The following MYOM1 variants were observed in gnomAD, a reference collection of about 807,000 sequenced individuals.
MYOM1 encodes myomesin-1.
MYOM1 carries 164 observed loss-of-function variants against 205.3 expected under a neutral mutation model. The ratio of observed to expected loss-of-function variants is 0.80; its 90% CI spans 0.70 to 0.91. MYOM1 has a LOEUF of 0.91. Among genes scored for constraint, MYOM1 ranks in the 40% least tolerant of loss-of-function variants. MYOM1 has a pLI of 0.00. For synonymous variants in MYOM1, 772 were observed against 789.4 expected, an observed-to-expected ratio of 0.98 and a Z score of 0.37; for missense variants, 2,011 against 2,127.3, an observed-to-expected ratio of 0.95 and a Z score of 1.08.
At chr18:3,159,665 A>G (rs201040213) in intron 10 of MYOM1, among the ~76,000 whole-genome samples, 2 of 152,356 alleles carry the variant, frequency 1.3e-5, no homozygotes, top group East Asian at 3.9e-4. Flanking sequence ...AATAAGAAAA[A>G]GGAACAATAT....
At chr18:3,125,567 A>G (rs2143858703) in intron 19 of MYOM1, among the ~76,000 whole-genome samples, 1 of 151,892 alleles carries the variant, frequency 6.6e-6, no homozygotes, top group Middle Eastern at 3.4e-3. Context: ...CATCTCAAAA[A>G]AAAAAAAAAA....
chr18:3,191,724 C>G (rs2080908729), intron 3 of MYOM1, among the ~76,000 whole-genome samples: 1 of 149,390 alleles, frequency 6.7e-6, no homozygotes, highest in Non-Finnish European at 1.5e-5. Context: ...GAGATGGGGT[C>G]TCACTCTGTG....
At chr18:3,237,815 T>A in the MYOM1 span, among the ~76,000 whole-genome samples, 1 of 152,064 alleles carries the variant, frequency 6.6e-6, no homozygotes, top group Admixed American at 6.6e-5. Flanking sequence ...AGTTATTGTT[T>A]AATGGTCATA....
At chr18:3,112,148 C>T (rs2143800157) in intron 22 of MYOM1, 150 bp downstream of exon 22, 1 of 620,816 alleles carries the variant, frequency 1.6e-6, no homozygotes, top group East Asian at 3.1e-5. Context: ...GGACCAATGA[C>T]TGTCATGTTC....
At chr18:3,174,678 TG>T (rs1408359145) in intron 6 of MYOM1, among the ~76,000 whole-genome samples, 1 of 152,158 alleles carries the variant, frequency 6.6e-6, no homozygotes, top group Non-Finnish European at 1.5e-5. Flanking sequence ...GGTTTCAGTC[TG>T]GGGGCAACCA....
Position 3,109,399 on chromosome 18 carries a change from G to T in MYOM1, c.3418+2899C>A, listed in dbSNP as rs145587980. Among the ~76,000 whole-genome samples, 3 of 152,318 alleles carry T rather than the reference G, an allele frequency of 2.0e-5. No individual in the cohort carries two copies. In the East Asian group the frequency reaches 5.8e-4, roughly 29 times the overall value. ...CTAAAGAGGCATATTCTCTCAAGTT[G>T]ATTGAGGGATGTGGTTCTGATAATT... On this transcript the variant is annotated intron_variant, in intron 22 of 37. Transcript: ENST00000356443.
chr18:3,109,647 G>A (rs764547296), intron 22 of MYOM1, among the ~76,000 whole-genome samples: 1 of 152,206 alleles, frequency 6.6e-6, no homozygotes, highest in African/African-American at 2.4e-5. Context: ...GAACATGAGA[G>A]AGTTGTTGTC....
the MYOM1 span, among the ~76,000 whole-genome samples, chr18:3,240,359 G>A: frequency 1.8e-3 from 277 of 152,284 alleles, 6 homozygotes; most frequent in East Asian, 0.042. Context: ...GGAGGGATCC[G>A]GTGGGAGGTA....
intron 23 of MYOM1, among the ~76,000 whole-genome samples, chr18:3,100,835 T>TTA (rs1014055544): frequency 4.6e-5 from 7 of 152,208 alleles, no homozygotes; most frequent in African/African-American, 1.4e-4. Context: ...TCTGAACTTA[T>TTA]TATAAGCATC....
At chr18:3,069,110 G>A (rs898365340) in intron 37 of MYOM1, among the ~76,000 whole-genome samples, 7 of 151,912 alleles carry the variant, frequency 4.6e-5, no homozygotes, top group Non-Finnish European at 7.4e-5. Context: ...ATTGCCAAAC[G>A]GTTTTTCTGA....
At chr18:3,103,668 G>T (rs922166099) in intron 22 of MYOM1, among the ~76,000 whole-genome samples, 3 of 152,032 alleles carry the variant, frequency 2.0e-5, no homozygotes, top group Admixed American at 6.6e-5. Context: ...CCTTCCAAAA[G>T]AATTGAATAT....
chr18:3,137,061 C>T (rs1222050763), intron 14 of MYOM1, among the ~76,000 whole-genome samples: 2 of 152,004 alleles, frequency 1.3e-5, no homozygotes, highest in Admixed American at 6.6e-5. Context: ...CGCCATTCTC[C>T]TGCCTCAGCC....
intron 22 of MYOM1, among the ~76,000 whole-genome samples, chr18:3,103,406 A>G (rs1415569193): frequency 6.6e-6 from 1 of 152,148 alleles, no homozygotes; most frequent in Non-Finnish European, 1.5e-5. Context: ...GAGTTATTCT[A>G]TTTTTGAGAG....
upstream of MYOM1, among the ~76,000 whole-genome samples, chr18:3,221,510 G>T: frequency 6.6e-6 from 1 of 152,200 alleles, no homozygotes; most frequent in East Asian, 1.9e-4. Context: ...GGAAAGCAAA[G>T]CTTCCAGAAG....
At chr18:3,126,543 C>A (rs1054832154) in intron 19 of MYOM1, among the ~76,000 whole-genome samples, 158 bp downstream of exon 19, 15 of 152,056 alleles carry the variant, frequency 9.9e-5, no homozygotes, top group Non-Finnish European at 4.4e-5. Flanking sequence ...CTTGTATTCA[C>A]CACAGTATAT....
intron 26 of MYOM1, among the ~76,000 whole-genome samples, chr18:3,092,956 T>C (rs2079246836): frequency 6.6e-6 from 1 of 152,156 alleles, no homozygotes; most frequent in Non-Finnish European, 1.5e-5. Flanking sequence ...TCAATGGCTG[T>C]GGGGTGATGA....
intron 2 of MYOM1, among the ~76,000 whole-genome samples, chr18:3,203,108 AAC>A (rs2081087041): frequency 6.6e-6 from 1 of 151,710 alleles, no homozygotes; most frequent in Non-Finnish European, 1.5e-5. Flanking sequence ...TAAAAACAAA[AAC>A]ACAACTTATT....
At chr18:3,193,361 T>TACATATATATATACACACACAC (rs1598758731) in intron 3 of MYOM1, among the ~76,000 whole-genome samples, 56 of 135,898 alleles carry the variant, frequency 4.1e-4, no homozygotes, top group African/African-American at 1.4e-3. Context: ...TATATATATA[T>TACATATATATATACACACACAC]ACACACACAC....
the MYOM1 span, among the ~76,000 whole-genome samples, chr18:3,244,863 C>T: frequency 1.3e-5 from 2 of 150,762 alleles, no homozygotes; most frequent in African/African-American, 2.4e-5. Flanking sequence ...CGTGCCACTG[C>T]ACTCCAGCCT....
Sources: allele counts gnomAD v4.1 joint callset (sites outside exome capture counted in the v4.1 genomes callset), GRCh38; gene constraint gnomAD v4.1.1; transcripts MANE v1.5; gene names NCBI Gene and HGNC (gene_info 2026-07-23, HGNC 2026-07-21).